The following ZC3H12B variants were observed in gnomAD, a reference collection of about 807,000 sequenced individuals.
The protein encoded by ZC3H12B is zinc finger CCCH-type containing 12B.
A neutral mutation model predicts 43.9 loss-of-function variants in ZC3H12B; 7 were observed. The ratio of observed to expected loss-of-function variants is 0.16; its 90% CI spans 0.09 to 0.30. The LOEUF is 0.30. ZC3H12B is among the 10% of genes least tolerant of loss of function. ZC3H12B has a pLI of 1.00. For synonymous variants in ZC3H12B, 222 were observed against 241.7 expected, an observed-to-expected ratio of 0.92 and a Z score of 0.76; for missense variants, 475 against 670.2, an observed-to-expected ratio of 0.71 and a Z score of 3.22.
intron 3 of ZC3H12B, among the ~76,000 whole-genome samples, chrX:65,470,829 G>A (rs914519374): frequency 8.9e-6 from 1 of 112,000 alleles, no homozygotes; most frequent in Non-Finnish European, 1.9e-5. Flanking sequence ...TCACATTTTT[G>A]TATAGTTTTG....
chrX:65,216,329 G>A, the ZC3H12B span, among the ~76,000 whole-genome samples: 1 of 111,210 alleles, frequency 9.0e-6, no homozygotes, highest in Admixed American at 9.6e-5. Context: ...AGAGAGCGTA[G>A]TGAGTGTGGG....
chrX:65,438,116 T>C (rs1483148329), intron 3 of ZC3H12B, among the ~76,000 whole-genome samples: 1 of 112,477 alleles, frequency 8.9e-6, no homozygotes, highest in Non-Finnish European at 1.9e-5. Context: ...GCTGTTTTTT[T>C]AAATATAGCT....
At chrX:65,200,071 C>T in the ZC3H12B span, among the ~76,000 whole-genome samples, 3 of 111,586 alleles carry the variant, frequency 2.7e-5, no homozygotes, top group South Asian at 3.7e-4. Context: ...TACACTCCCA[C>T]CAATGGTGTA....
chrX:65,502,061 C>A, exon 5 of ZC3H12B: 1 of 1,211,158 alleles, frequency 8.3e-7, no homozygotes, highest in Non-Finnish European at 1.1e-6. Context: ...GTCCATTGCC[C>A]GTAAGCCTGA....
chrX:65,468,859 T>C (rs1327784437), intron 3 of ZC3H12B, among the ~76,000 whole-genome samples: 1 of 109,068 alleles, frequency 9.2e-6, no homozygotes, highest in Non-Finnish European at 1.9e-5. Context: ...TTTTCTCTCT[T>C]TTTTTTTCCT....
At chrX:65,082,891 TAGAA>T in the ZC3H12B span, among the ~76,000 whole-genome samples, 5 of 111,303 alleles carry the variant, frequency 4.5e-5, no homozygotes, top group African/African-American at 6.5e-5. Flanking sequence ...AACAATATGT[TAGAA>T]AGATCATTCA....
intron 3 of ZC3H12B, chrX:65,408,532 TC>T (rs2066864819): frequency 2.5e-6 from 3 of 1,203,836 alleles, no homozygotes. Flanking sequence ...CTTCGGGACT[TC>T]AGCCTCCTGG....
At chrX:65,233,111 G>T in the ZC3H12B span, among the ~76,000 whole-genome samples, 1 of 111,953 alleles carries the variant, frequency 8.9e-6, no homozygotes, top group Non-Finnish European at 1.9e-5. Flanking sequence ...TATTATCTAT[G>T]CTAAAGAGAG....
intron 3 of ZC3H12B, among the ~76,000 whole-genome samples, chrX:65,476,832 A>AT (rs375353483): frequency 0.012 from 1,208 of 96,746 alleles, 7 homozygotes; most frequent in African/African-American, 0.023. Flanking sequence ...GCTGACTGGA[A>AT]TTTTTTTTTT....
the ZC3H12B span, among the ~76,000 whole-genome samples, chrX:65,060,631 T>C: frequency 1.8e-5 from 2 of 112,039 alleles, no homozygotes; most frequent in Non-Finnish European, 3.8e-5. Flanking sequence ...TTTGCATCAA[T>C]ATTCATCAGA....
the ZC3H12B span, among the ~76,000 whole-genome samples, chrX:65,234,399 T>C: frequency 4.5e-5 from 5 of 111,797 alleles, no homozygotes; most frequent in Non-Finnish European, 9.4e-5. Context: ...CCACAACTAG[T>C]ATCATACCGA....
At chrX:65,292,863 G>A in the ZC3H12B span, among the ~76,000 whole-genome samples, 2 of 110,649 alleles carry the variant, frequency 1.8e-5, no homozygotes, top group African/African-American at 6.6e-5. Flanking sequence ...ACTTGCCTGT[G>A]GTCTTAGATA....
At chrX:65,436,020 A>T (rs753682199) in intron 3 of ZC3H12B, among the ~76,000 whole-genome samples, 1 of 112,003 alleles carries the variant, frequency 8.9e-6, no homozygotes, top group African/African-American at 3.3e-5. Flanking sequence ...GGTTAAATTG[A>T]CTCATGGATA....
chrX:65,285,601 A>G, the ZC3H12B span, among the ~76,000 whole-genome samples: 14 of 111,579 alleles, frequency 1.3e-4, no homozygotes, highest in Admixed American at 4.8e-4. Flanking sequence ...GCCACCCAAC[A>G]ACAAAATTAT....
At chrX:65,341,846 T>C in the ZC3H12B span, among the ~76,000 whole-genome samples, 11 of 109,484 alleles carry the variant, frequency 1.0e-4, no homozygotes, top group Non-Finnish European at 3.8e-5. Context: ...GATGACAGGA[T>C]CAAATCCACA....
the ZC3H12B span, among the ~76,000 whole-genome samples, chrX:65,063,437 G>T: frequency 1.8e-5 from 2 of 112,210 alleles, no homozygotes; most frequent in East Asian, 2.8e-4. Context: ...TTTGTCATTT[G>T]TTCTGTTTAT....
chrX:65,162,475 C>A, the ZC3H12B span, among the ~76,000 whole-genome samples: 1 of 111,397 alleles, frequency 9.0e-6, no homozygotes, highest in Non-Finnish European at 1.9e-5. Flanking sequence ...GCTTTTTATT[C>A]TTTTTTCTCT....
the ZC3H12B span, among the ~76,000 whole-genome samples, chrX:65,247,720 G>T: frequency 9.2e-4 from 103 of 111,737 alleles, no homozygotes; most frequent in African/African-American, 3.1e-3. Flanking sequence ...CACACACTGG[G>T]GACTGTTGGT....
the ZC3H12B span, among the ~76,000 whole-genome samples, chrX:65,313,748 T>A: frequency 1.8e-5 from 2 of 112,108 alleles, no homozygotes; most frequent in Admixed American, 1.9e-4. Context: ...ATATTGAAAA[T>A]TTTAAGAATA....
Sources: gnomAD v4.1 joint callset for allele counts (sites outside exome capture counted in the v4.1 genomes callset) on GRCh38, gnomAD v4.1.1 for gene constraint, MANE v1.5 for transcripts, NCBI Gene and HGNC (gene_info 2026-07-23, HGNC 2026-07-21) for gene names.